The following TTN variants were observed in gnomAD, a reference collection of about 807,000 sequenced individuals.
TTN encodes connectin.
A neutral mutation model predicts 3,223.0 loss-of-function variants in TTN; 1,525 were observed. The ratio of observed to expected loss-of-function variants is 0.47; its 90% CI spans 0.45 to 0.49. The LOEUF (loss-of-function observed/expected upper bound fraction) is 0.49. Ranked by LOEUF, TTN falls within the 20% of genes least tolerant of loss-of-function variation. TTN has a pLI of 0.00. For missense variants in TTN, 40,786 were observed against 43,424.0 expected, an observed-to-expected ratio of 0.94 and a Z score of 5.40; for synonymous variants, 14,094 against 15,161.0, an observed-to-expected ratio of 0.93 and a Z score of 5.17.
rs16866434 is a variant in TTN at position 178,685,342 on chromosome 2, T to G, written c.32393-12A>C. ...CTGCCTCTCTGTCACTTGAAAAGATTATAAAATATGTTTGTAGAAATGTCT... is the reference window on the plus strand; with the variant it reads ...CTGCCTCTCTGTCACTTGAAAAGATGATAAAATATGTTTGTAGAAATGTCT... On this transcript the variant is annotated splice_polypyrimidine_tract_variant and intron_variant, in intron 128 of 362. Coordinates refer to ENST00000589042, the MANE Select transcript of TTN (RefSeq NM_001267550.2). 6.5e-7 allele frequency: 1 copy of G among 1,544,806 alleles called. No individual in the cohort carries two copies. Among genetic ancestry groups the G allele is most frequent in the Middle Eastern group, 1.7e-4 (1 of 5,876 alleles).
rs746530976 is a variant in TTN at position 178,704,866 on chromosome 2, A to G, written c.29694+11T>C. 1.2e-6 allele frequency: 2 copies of G among 1,611,636 alleles called. No individual in the cohort carries two copies. Among genetic ancestry groups the G allele is most frequent in the East Asian group, 2.2e-5 (1 of 44,854 alleles). ...ACTTGTTCATTTTATTATCAACATAATTCTTTTTACCTCTGTCTGTGACAG... is the reference window on the plus strand; with the variant it reads ...ACTTGTTCATTTTATTATCAACATAGTTCTTTTTACCTCTGTCTGTGACAG... On this transcript the variant is annotated intron_variant, in intron 104 of 362. Coordinates refer to ENST00000589042, the MANE Select transcript of TTN (RefSeq NM_001267550.2).
Position 178,588,882 on chromosome 2 carries a change from G to A in TTN, c.62843C>T (p.Pro20948Leu), listed in dbSNP as rs1203416439. Residue 20948 changes from proline (P) to leucine (L), a missense_variant, in exon 304 of 363, where the codon CCT becomes CTT. Pro to Leu is a moderately conservative substitution (Grantham distance 98, BLOSUM62 -3). Transcript: ENST00000589042. ...VRAENKIGTG[P>L]PTESKPVIAK... The stretch of plus-strand genomic sequence containing the variant: ...TATGACTGGTTTACTTTCTGTTGGA[G>A]GCCCTGTGCCTATTTTATTTTCTGC... 26 of 1,613,158 alleles carry A rather than the reference G, an allele frequency of 1.6e-5. No individual in the cohort carries two copies. The highest frequency in any genetic ancestry group is 2.2e-5 in the Non-Finnish European group (26 of 1,179,582).
chr2:178,727,924 T>A, intron 67 of TTN, 61 bp from the exon 68 acceptor site: 1 of 1,482,962 alleles, frequency 6.7e-7, no homozygotes, highest in Non-Finnish European at 9.0e-7. Flanking sequence ...ATTGTGACAG[T>A]TTTATGGACA....
At chr2:178,765,415 G>A (rs1052982682) in intron 41 of TTN, among the ~76,000 whole-genome samples, 1 of 152,172 alleles carries the variant, frequency 6.6e-6, no homozygotes, top group African/African-American at 2.4e-5. Context: ...TGTGATGAGT[G>A]AGGGGACCTG....
intron 330 of TTN, chr2:178,555,513 T>C (rs1298994052): frequency 9.9e-6 from 2 of 202,956 alleles, no homozygotes; most frequent in Non-Finnish European, 1.9e-5. Context: ...ACGCACCTCC[T>C]ATTCTTTTTC....
intron 118 of TTN, 23 bp from the exon 119 acceptor site, chr2:178,693,712 T>C: frequency 6.5e-7 from 1 of 1,541,588 alleles, no homozygotes; most frequent in Non-Finnish European, 8.9e-7. Flanking sequence ...TACATTTTAA[T>C]TACTGATATG....
chr2:178,574,264 A>G lies in TTN; in HGVS notation c.71868T>C (p.Ile23956=), dbSNP rs778594459. 6 of 1,612,806 alleles carry G rather than the reference A, an allele frequency of 3.7e-6. No individual in the cohort carries two copies. The highest frequency in any genetic ancestry group is 5.1e-6 in the Non-Finnish European group (6 of 1,179,096). The change falls in exon 326 of 363, where the codon ATT becomes ATC. Residue 23956 remains isoleucine, a synonymous_variant. Coordinates refer to ENST00000589042, the MANE Select transcript of TTN (RefSeq NM_001267550.2). ...AKPEYTGGFK[I]TSYIVEKRDL... is the part of the protein sequence containing the mutation. Reference sequence around the variant, plus strand: ...CTCTCTTTTCAACGATATAACTGGTAATTTTAAAGCCCCCAGTATATTCAG... The same window carrying G: ...CTCTCTTTTCAACGATATAACTGGTGATTTTAAAGCCCCCAGTATATTCAG...
intron 47 of TTN, chr2:178,747,624 G>A (rs769111119): frequency 6.2e-7 from 1 of 1,613,218 alleles, no homozygotes. Flanking sequence ...AGCTTTGCCT[G>A]GTCTCTGGTG....
chr2:178,699,529 A>G (rs1052815192), intron 111 of TTN, among the ~76,000 whole-genome samples: 2 of 143,172 alleles, frequency 1.4e-5, no homozygotes, highest in African/African-American at 5.1e-5. Flanking sequence ...CTCCTGCCTC[A>G]GCCTCCCGAG....
In TTN at chr2:178,590,069, CT is replaced by C; in HGVS notation, c.61655del (p.Lys20552ArgfsTer25). On this transcript the variant is annotated frameshift_variant, in exon 304 of 363. Coordinates refer to ENST00000589042, the MANE Select transcript of TTN (RefSeq NM_001267550.2). LOFTEE classifies it high-confidence loss of function. ...AACCTTGGGCATGTCCACTGCTGTT[CT>C]TAGCTGAGATGATATACTTGCCATG... is the stretch of plus-strand genomic sequence containing the variant. ...ADHGKYIISAKNSSGHAQGSA... is the reference protein window; with the variant it reads ...ADHGKYIISAXNSSGHAQGSA... 6.2e-7 allele frequency: 1 copy of C among 1,613,212 alleles called. No homozygotes were observed. The highest frequency in any genetic ancestry group is 1.3e-5 in the African/African-American group (1 of 75,030).
chr2:178,642,568 G>A (rs2061382819), intron 218 of TTN, among the ~76,000 whole-genome samples: 1 of 151,934 alleles, frequency 6.6e-6, no homozygotes, highest in Admixed American at 6.6e-5. Flanking sequence ...AATGCATGTA[G>A]AGGATGTTGC....
chr2:178,539,203 T>G lies in TTN; in HGVS notation c.98732A>C (p.Lys32911Thr). 1 of 1,613,788 alleles carries G rather than the reference T, an allele frequency of 6.2e-7. No individual in the cohort carries two copies. The highest frequency in any genetic ancestry group is 1.7e-4 in the Middle Eastern group (1 of 6,058). Residue 32911 changes from lysine (K) to threonine (T), a missense_variant, in exon 353 of 363, where the codon AAG (lysine) becomes ACG (threonine). Lys to Thr is a moderately conservative substitution (Grantham distance 78). Transcript: ENST00000589042. ...GGACCAGGACAAGCTAACAGAACTC[T>G]TGGTTACATCGAGTACTTCTGGAGG... ...SNPPEVLDVT[K>T]SSVSLSWSRP...
rs140835663 is a variant in TTN, at chr2:178,799,533, G to A, written c.868C>T (p.Pro290Ser). The change falls in exon 6 of 363, where the codon CCT becomes TCT. Residue 290 changes from proline (P) to serine (S), a missense_variant. Transcript: ENST00000589042. ...GCCCGCACGTGTCTGACCGGGGAAG[G>A]GGAGTGTCTTATGGGCGATGGGGAC... Reference protein sequence around the residue: ...QQSPSPIRHSPSPVRHVRAPT... With the variant: ...QQSPSPIRHSSSPVRHVRAPT... 22 of 1,614,082 alleles carry A rather than the reference G, an allele frequency of 1.4e-5. No homozygotes were observed. The African/African-American group carries it at 2.3e-4, about 17-fold the overall frequency.
chr2:178,635,737 A>G, intron 226 of TTN, 22 bp from the exon 227 acceptor site: 2 of 1,575,122 alleles, frequency 1.3e-6, no homozygotes. Context: ...TAAGATCAGA[A>G]AAAATGATTA....
At chr2:178,559,062 C>T (rs959467626) in intron 326 of TTN, 2 of 336,302 alleles carry the variant, frequency 5.9e-6, no homozygotes, top group Non-Finnish European at 1.1e-5. Flanking sequence ...CATATATATA[C>T]AGTTAGATTC....
At chr2:178,677,452 CA>C (rs1213010595) in intron 146 of TTN, 165 bp from the exon 147 acceptor site, 2 of 720,628 alleles carry the variant, frequency 2.8e-6, no homozygotes, top group Admixed American at 7.0e-5. Flanking sequence ...GACAGATACA[CA>C]AGGCAGATAC....
chr2:178,570,942 T>G lies in TTN; in HGVS notation c.75190A>C (p.Thr25064Pro). 6.2e-7 allele frequency: 1 copy of G among 1,613,484 alleles called. No homozygotes were observed. Among genetic ancestry groups the G allele is most frequent in the Admixed American group, 1.7e-5 (1 of 59,996 alleles). Residue 25064 changes from threonine to proline, a missense_variant, in exon 326 of 363, where the codon ACT (threonine) becomes CCT (proline). Thr to Pro is a conservative substitution (Grantham distance 38). Coordinates refer to ENST00000589042, the MANE Select transcript of TTN (RefSeq NM_001267550.2). Reference sequence around the variant, plus strand: ...ACTAGGCCAGTTACTTCAAAATGAGTGTCAATAATATTTGTAAAACTGGCT... The same window carrying G: ...ACTAGGCCAGTTACTTCAAAATGAGGGTCAATAATATTTGTAAAACTGGCT... Reference protein sequence around the residue: ...MKASFTNIIDTHFEVTGLVED... With the variant: ...MKASFTNIIDPHFEVTGLVED...
Position 178,552,031 on chromosome 2 carries a change from A to C in TTN, c.90869T>G (p.Val30290Gly). 6.2e-7 allele frequency: 1 copy of C among 1,613,442 alleles called. No homozygotes were observed. Among genetic ancestry groups the C allele is most frequent in the Non-Finnish European group, 8.5e-7 (1 of 1,179,588 alleles). Residue 30290 changes from valine (V) to glycine (G), a missense_variant, in exon 335 of 363, where the codon GTC becomes GGC. By Grantham distance (109) the Val-to-Gly change is moderately radical. Transcript: ENST00000589042. Reference protein sequence around the residue: ...ARTTFKVPNLVKDAEYQFRVR... With the variant: ...ARTTFKVPNLGKDAEYQFRVR... ...TCTAAACTGGTACTCAGCATCTTTG[A>C]CTAGATTAGGAACTTTGAAAGTCGT...
In TTN at chr2:178,719,158, A is replaced by C; in HGVS notation, c.24226+6T>G. On this transcript the variant is annotated splice_donor_region_variant and intron_variant, in intron 83 of 362. Transcript: ENST00000589042. ...AGAAGCAGCAGCTTTATCCTTGCAC[A>C]CTGACCTTGCACAGTCAGGACTGCT... 10 of 1,607,230 alleles carry C rather than the reference A, an allele frequency of 6.2e-6. No individual in the cohort carries two copies. Among genetic ancestry groups the C allele is most frequent in the Non-Finnish European group, 8.5e-6 (10 of 1,175,012 alleles).
Sources: gnomAD v4.1 joint callset for allele counts (sites outside exome capture counted in the v4.1 genomes callset) on GRCh38, gnomAD v4.1.1 for gene constraint, MANE v1.5 for transcripts, NCBI Gene and HGNC (gene_info 2026-07-23, HGNC 2026-07-21) for gene names.